The following PAAF1 variants were observed in gnomAD, a reference collection of about 807,000 sequenced individuals.
PAAF1 encodes the protein proteasomal ATPase associated factor 1, also known as proteasomal ATPase-associated factor 1.
In PAAF1, 46 loss-of-function variants were observed where a neutral mutation model predicts 52.8. The observed-to-expected ratio is 0.87, with a 90% CI of 0.69 to 1.11. PAAF1 has a LOEUF of 1.11. Among genes scored for constraint, PAAF1 ranks in the 50% most tolerant of loss-of-function variants. PAAF1 has a pLI of 0.00. For synonymous variants in PAAF1, 178 were observed against 172.8 expected (o/e 1.03, Z -0.24); for missense variants, 424 against 477.4 (o/e 0.89, Z 1.04).
chr11:73,888,759 A>G, intron 3 of PAAF1: 1 of 268,084 alleles, frequency 3.7e-6, no homozygotes, highest in Non-Finnish European at 6.9e-6. Context: ...GTATCAGAAG[A>G]TCTAAGTCTT....
chr11:73,916,908 AC>A (rs560613103), intron 9 of PAAF1, among the ~76,000 whole-genome samples: 114 of 152,296 alleles, frequency 7.5e-4, no homozygotes, highest in African/African-American at 2.7e-3. Flanking sequence ...TTAAATATAA[AC>A]TAACATTTCA....
intron 3 of PAAF1, 100 bp from the exon 4 acceptor site, chr11:73,891,012 T>C: frequency 1.4e-6 from 1 of 698,978 alleles, no homozygotes; most frequent in South Asian, 1.6e-5. Context: ...ACTGAGAAGA[T>C]GAGAATGTCC....
chr11:73,882,105 T>C (rs1591038876), intron 2 of PAAF1, among the ~76,000 whole-genome samples: 1 of 151,880 alleles, frequency 6.6e-6, no homozygotes, highest in African/African-American at 2.4e-5. Flanking sequence ...GGTCTCGAAC[T>C]CCCAACCTCA....
Position 73,911,173 on chromosome 11 carries a change from G to A in PAAF1, c.727+1580G>A, listed in dbSNP as rs61109105. ...GAGTTTACATTAGGGCTTACTCTTG[G>A]TGTTATATATCCTATAGGGTCTGAC... is the stretch of plus-strand genomic sequence containing the variant. On this transcript the variant is annotated intron_variant, in intron 7 of 11. Transcript: ENST00000310571. Among the ~76,000 whole-genome samples, 293 of 152,058 alleles carry A rather than the reference G, an allele frequency of 1.9e-3. 1 individual carries two copies. Among genetic ancestry groups the A allele is most frequent in the African/African-American group, 6.8e-3 (284 of 41,460 alleles).
chr11:73,889,179 T>C lies in PAAF1; in HGVS notation c.192+1722T>C, dbSNP rs184980023. On this transcript the variant is annotated intron_variant, in intron 3 of 11. Transcript: ENST00000310571. ...TCTTCCCTTCATACTCAGACCTGGA[T>C]ACAGTCTTTATCACTTCAAACATGA... The C allele has an allele frequency of 4.4e-5, 68 of 1,528,280 alleles. No homozygotes were observed. In the African/African-American group the frequency reaches 8.9e-4, roughly 20 times the overall value. 94.7% of individuals were successfully genotyped at this position (1,528,280 alleles called of 1,614,324 possible). A position where few individuals can be genotyped will look rare whatever the true frequency, so the allele number is the denominator to read the frequency against.
At chr11:73,877,153 A>C (rs542241943) in intron 1 of PAAF1, 85 bp downstream of exon 1, 70 of 1,354,964 alleles carry the variant, frequency 5.2e-5, no homozygotes, top group Non-Finnish European at 6.4e-5. Flanking sequence ...GGTCCAGGAT[A>C]TCAATAGGGG....
At chr11:73,887,242 T>C (rs766832548) in intron 2 of PAAF1, 112 bp from the exon 3 acceptor site, 106 of 674,100 alleles carry the variant, frequency 1.6e-4, no homozygotes, top group Admixed American at 6.2e-5. Context: ...TTTTCTTTCG[T>C]GGGCCAATTT....
intron 9 of PAAF1, among the ~76,000 whole-genome samples, chr11:73,918,362 T>G (rs1262547999): frequency 7.9e-6 from 1 of 126,150 alleles, no homozygotes. Context: ...ATTTTTTTTT[T>G]TTTTTTTTTT....
chr11:73,915,021 G>C (rs1223631243), intron 8 of PAAF1, among the ~76,000 whole-genome samples: 1 of 152,002 alleles, frequency 6.6e-6, no homozygotes, highest in African/African-American at 2.4e-5. Flanking sequence ...CCCAGTTCTT[G>C]TGCAGCACTT....
At chr11:73,889,312 T>C in intron 3 of PAAF1, 1 of 950,484 alleles carries the variant, frequency 1.1e-6, no homozygotes, top group Non-Finnish European at 1.4e-6. Flanking sequence ...TAATTTGATA[T>C]TGCTACATTG....
intron 3 of PAAF1, chr11:73,889,137 C>T: frequency 6.8e-7 from 1 of 1,462,632 alleles, no homozygotes; most frequent in Non-Finnish European, 9.2e-7. Context: ...TTGGCACAGC[C>T]TGGGTGCTGA....
intron 6 of PAAF1, among the ~76,000 whole-genome samples, chr11:73,900,864 C>T (rs1401726136): frequency 6.6e-6 from 1 of 150,656 alleles, no homozygotes; most frequent in Admixed American, 6.6e-5. Context: ...CGCCTGTAGT[C>T]CCAGCTACTT....
intron 6 of PAAF1, among the ~76,000 whole-genome samples, chr11:73,901,566 C>T (rs34895752): frequency 0.056 from 8,571 of 151,736 alleles, 265 homozygotes; most frequent in Middle Eastern, 0.099. Flanking sequence ...TTGTGAACCT[C>T]AGTACATTGT....
At chr11:73,897,405 G>A (rs1214941680) in intron 4 of PAAF1, among the ~76,000 whole-genome samples, 1 of 150,138 alleles carries the variant, frequency 6.7e-6, no homozygotes. Context: ...GCTGCTGGGC[G>A]GAGGGGCTCC....
At chr11:73,925,380 T>C (rs1225105148) in intron 11 of PAAF1, among the ~76,000 whole-genome samples, 1 of 151,132 alleles carries the variant, frequency 6.6e-6, no homozygotes, top group Admixed American at 6.6e-5. Flanking sequence ...ATGGGACGAT[T>C]GCTTGGGCCT....
chr11:73,924,467 G>T, intron 10 of PAAF1, 148 bp from the exon 11 acceptor site: 1 of 636,344 alleles, frequency 1.6e-6, no homozygotes, highest in East Asian at 2.8e-5. Context: ...AAAAAAGTTG[G>T]CCCACGTAAT....
At chr11:73,909,846 A>C (rs1318783092) in intron 7 of PAAF1, among the ~76,000 whole-genome samples, 1 of 152,250 alleles carries the variant, frequency 6.6e-6, no homozygotes, top group Non-Finnish European at 1.5e-5. Context: ...CCTATAAAGC[A>C]GGGGTGTCCG....
At chr11:73,911,090 T>G (rs1949916925) in intron 7 of PAAF1, among the ~76,000 whole-genome samples, 1 of 150,600 alleles carries the variant, frequency 6.6e-6, no homozygotes, top group Admixed American at 6.7e-5. Flanking sequence ...CCCACCAGAG[T>G]GGTACATTTA....
intron 1 of PAAF1, 67 bp from the exon 2 acceptor site, chr11:73,878,712 C>T (rs1948813310): frequency 2.1e-6 from 3 of 1,452,254 alleles, no homozygotes; most frequent in South Asian, 1.2e-5. Context: ...CTTCTTTCTT[C>T]CCTTGTAACT....
Sources: allele counts gnomAD v4.1 joint callset (sites outside exome capture counted in the v4.1 genomes callset), GRCh38; gene constraint gnomAD v4.1.1; transcripts MANE v1.5; gene names NCBI Gene and HGNC (gene_info 2026-07-23, HGNC 2026-07-21).